Variants in CREB5 observed in about 807,000 individuals in gnomAD.
The protein encoded by CREB5 is cyclic AMP-responsive element-binding protein 5.
Under a neutral mutation model 57.1 loss-of-function variants are expected in CREB5, and 19 were observed. That is an observed-to-expected ratio of 0.33 (90% CI 0.23 to 0.49). CREB5 has a LOEUF of 0.49. Ranked by LOEUF, CREB5 falls within the 20% of genes least tolerant of loss-of-function variation. The probability of loss-of-function intolerance (pLI) is 0.99; values close to 1 mark genes in which losing one functional copy is unlikely to be tolerated. For synonymous variants in CREB5, 238 were observed against 238.3 expected (o/e 1.00, Z 0.01); for missense variants, 579 against 671.6 (o/e 0.86, Z 1.52).
intron 1 of CREB5, among the ~76,000 whole-genome samples, chr7:28,414,858 C>A (rs185011786): frequency 6.6e-6 from 1 of 151,852 alleles, no homozygotes; most frequent in African/African-American, 2.4e-5. Flanking sequence ...AGAAACCCCA[C>A]TAAAATTTTT....
At chr7:28,300,146 C>A (rs1054437256) in intron 1 of CREB5, among the ~76,000 whole-genome samples, 1 of 151,658 alleles carries the variant, frequency 6.6e-6, no homozygotes, top group African/African-American at 2.4e-5. Flanking sequence ...GGGATGCTCA[C>A]CTTGTCAAAC....
At chr7:28,807,845 G>A (rs1478910224) in intron 8 of CREB5, among the ~76,000 whole-genome samples, 2 of 152,052 alleles carry the variant, frequency 1.3e-5, no homozygotes, top group Non-Finnish European at 2.9e-5. Flanking sequence ...TGAAGTGCAT[G>A]AGGGAAAGCA....
intron 1 of CREB5, among the ~76,000 whole-genome samples, chr7:28,329,848 C>A (rs560659385): frequency 3.3e-5 from 5 of 152,378 alleles, no homozygotes; most frequent in African/African-American, 1.2e-4. Context: ...GCTGTGCCAT[C>A]CCATGTGGCA....
At chr7:28,668,863 C>T (rs1428257372) in intron 5 of CREB5, among the ~76,000 whole-genome samples, 2 of 152,076 alleles carry the variant, frequency 1.3e-5, no homozygotes, top group East Asian at 1.9e-4. Flanking sequence ...ATGCTCTGTC[C>T]ACGGCCCGCT....
intron 8 of CREB5, 95 bp from the exon 9 acceptor site, chr7:28,809,092 C>CTG: frequency 1.8e-6 from 2 of 1,133,634 alleles, no homozygotes; most frequent in Non-Finnish European, 2.5e-6. Context: ...GATAGACTTT[C>CTG]TGTGCTTTGC....
At chr7:28,654,247 C>T (rs1358932126) in intron 5 of CREB5, among the ~76,000 whole-genome samples, 4 of 152,164 alleles carry the variant, frequency 2.6e-5, no homozygotes, top group Non-Finnish European at 4.4e-5. Context: ...CGATACAGCT[C>T]GCTCCCCCTC....
At chr7:28,770,937 A>G (rs1316674469) in intron 7 of CREB5, among the ~76,000 whole-genome samples, 2 of 152,208 alleles carry the variant, frequency 1.3e-5, no homozygotes, top group Non-Finnish European at 2.9e-5. Flanking sequence ...AAAACAAAAC[A>G]AAAAGGGGTA....
chr7:28,739,169 TC>T (rs1202769919), intron 7 of CREB5, among the ~76,000 whole-genome samples: 1 of 152,226 alleles, frequency 6.6e-6, no homozygotes, highest in Non-Finnish European at 1.5e-5. Flanking sequence ...CCTGTGCTCT[TC>T]AATACAGTAG....
In CREB5 at chr7:28,734,206, CAAAAAAAAAAA is replaced by C. The variant is rs61403862; in HGVS notation, c.702+9888_702+9898del. 3.3e-4 allele frequency among the ~76,000 whole-genome samples: 32 copies of C among 96,448 alleles called. 1 individual carries two copies. Among genetic ancestry groups the C allele is most frequent in the African/African-American group, 1.1e-3 (24 of 22,364 alleles). The allele number at this position is 96,448 out of a possible 152,430, so 63.3% of individuals were successfully genotyped here. A position where few individuals can be genotyped will look rare whatever the true frequency, so the allele number is the denominator to read the frequency against. On this transcript the variant is annotated intron_variant, in intron 7 of 10. Coordinates refer to ENST00000357727, the MANE Select transcript of CREB5 (RefSeq NM_182898.4). Reference sequence around the variant, plus strand: ...CTGCAGGCCCAAGGCTTCAGTAGTTCAAAAAAAAAAAAAAAAAAAAAAAACACAAACAAAAA... The same window carrying C: ...CTGCAGGCCCAAGGCTTCAGTAGTTCAAAAAAAAAAAAACACAAACAAAAA...
intron 5 of CREB5, among the ~76,000 whole-genome samples, chr7:28,634,104 T>G (rs1474958184): frequency 6.6e-6 from 1 of 152,242 alleles, no homozygotes; most frequent in East Asian, 1.9e-4. Flanking sequence ...CAGTGTTTCC[T>G]AAGTGTGATC....
At position 28,306,541 on chromosome 7, in the gene CREB5, G is replaced by GTTTTTTTTTTTTTTTTTTTT. The variant is rs199561235; in HGVS notation, c.-25+7104_-25+7105insTTTTTTTTTTTTTTTTTTTT. On this transcript the variant is annotated intron_variant, in intron 1 of 9. Transcript: ENST00000396299. ...ACTGGTGCCAGTACATACAGATACAGTTTTGTTTTTTTTGTTTTTTTTTTT... is the reference window on the plus strand; with the variant it reads ...ACTGGTGCCAGTACATACAGATACAGTTTTTTTTTTTTTTTTTTTTTTTTGTTTTTTTTGTTTTTTTTTTT... Among the ~76,000 whole-genome samples the GTTTTTTTTTTTTTTTTTTTT allele has an allele frequency of 1.1e-4, 5 of 44,458 alleles. 2 individuals are homozygous for GTTTTTTTTTTTTTTTTTTTT. Among genetic ancestry groups the GTTTTTTTTTTTTTTTTTTTT allele is most frequent in the African/African-American group, 3.9e-4 (5 of 12,928 alleles). 29.2% of individuals were successfully genotyped at this position (44,458 alleles called of 152,430 possible).
chr7:28,627,147 C>CT (rs201929598), intron 5 of CREB5, among the ~76,000 whole-genome samples: 3 of 152,142 alleles, frequency 2.0e-5, no homozygotes, highest in African/African-American at 4.8e-5. Flanking sequence ...TTCATATAAT[C>CT]TTTTTTTTCC....
At chr7:28,624,344 G>T (rs565631776) in intron 5 of CREB5, among the ~76,000 whole-genome samples, 1 of 152,334 alleles carries the variant, frequency 6.6e-6, no homozygotes, top group South Asian at 2.1e-4. Context: ...GGGAATTTGT[G>T]AACTCATTTT....
intron 7 of CREB5, among the ~76,000 whole-genome samples, chr7:28,794,949 TTGGGATA>T (rs1267830342): frequency 2.6e-5 from 4 of 152,204 alleles, no homozygotes; most frequent in Non-Finnish European, 4.4e-5. Flanking sequence ...CAATTCAGAA[TTGGGATA>T]CTCCCCTAGA....
chr7:28,611,908 C>T (rs1797403638), intron 5 of CREB5, among the ~76,000 whole-genome samples: 1 of 152,010 alleles, frequency 6.6e-6, no homozygotes, highest in Admixed American at 6.6e-5. Context: ...ACTTGACAAA[C>T]TTGACCTCCC....
intron 5 of CREB5, among the ~76,000 whole-genome samples, chr7:28,712,602 C>T (rs577026057): frequency 1.3e-4 from 20 of 149,730 alleles, no homozygotes; most frequent in African/African-American, 4.7e-4. Context: ...GGAGTGATCT[C>T]GGCTCACTGC....
intron 1 of CREB5, among the ~76,000 whole-genome samples, chr7:28,449,577 G>C (rs964328693): frequency 9.2e-5 from 14 of 152,002 alleles, no homozygotes; most frequent in Admixed American, 2.6e-4. Flanking sequence ...TCTGTATTTT[G>C]TCCTGCAACC....
intron 1 of CREB5, among the ~76,000 whole-genome samples, chr7:28,383,061 A>G (rs564712489): frequency 3.9e-5 from 6 of 152,216 alleles, no homozygotes; most frequent in African/African-American, 1.4e-4. Flanking sequence ...GTGTTGAGTG[A>G]GTGGTGTGGT....
intron 7 of CREB5, among the ~76,000 whole-genome samples, chr7:28,744,860 C>G (rs1210001382): frequency 6.6e-6 from 1 of 152,208 alleles, no homozygotes; most frequent in Non-Finnish European, 1.5e-5. Flanking sequence ...AATCAAATCT[C>G]GAATTCCAGT....
Sources: allele counts gnomAD v4.1 joint callset (sites outside exome capture counted in the v4.1 genomes callset), GRCh38; gene constraint gnomAD v4.1.1; transcripts MANE v1.5; gene names NCBI Gene and HGNC (gene_info 2026-07-23, HGNC 2026-07-21).